The following PLCL1 variants were observed in gnomAD, a reference collection of about 807,000 sequenced individuals.
PLCL1 encodes phospholipase C like 1 (inactive), also known as inactive phospholipase C-like protein 1.
PLCL1 carries 41 observed loss-of-function variants against 84.4 expected under a neutral mutation model. The observed-to-expected ratio is 0.49, with a 90% CI of 0.38 to 0.63. The LOEUF is 0.63. Among genes scored for constraint, PLCL1 ranks in the 30% least tolerant of loss-of-function variants. PLCL1 has a pLI of 0.00. For synonymous variants in PLCL1, 490 were observed against 488.3 expected, an observed-to-expected ratio of 1.00 and a Z score of -0.05; for missense variants, 1,206 against 1,367.8, an observed-to-expected ratio of 0.88 and a Z score of 1.87.
intron 1 of PLCL1, among the ~76,000 whole-genome samples, chr2:197,964,535 C>A (rs1689689637): frequency 6.6e-6 from 1 of 151,904 alleles, no homozygotes; most frequent in Non-Finnish European, 1.5e-5. Context: ...AAGATCATAC[C>A]ATCTGCAAAC....
At chr2:197,853,492 C>A (rs887632273) in intron 1 of PLCL1, among the ~76,000 whole-genome samples, 1 of 152,144 alleles carries the variant, frequency 6.6e-6, no homozygotes, top group Non-Finnish European at 1.5e-5. Flanking sequence ...CCTCACCTTC[C>A]TTATTTGTGA....
chr2:198,089,452 A>G (rs1404977166), intron 3 of PLCL1, among the ~76,000 whole-genome samples: 2 of 152,178 alleles, frequency 1.3e-5, no homozygotes, highest in Admixed American at 6.5e-5. Context: ...TATAGAATCT[A>G]TATTTTTCAG....
intron 1 of PLCL1, among the ~76,000 whole-genome samples, chr2:197,820,062 G>A (rs1252491508): frequency 6.6e-6 from 1 of 152,030 alleles, no homozygotes; most frequent in Non-Finnish European, 1.5e-5. Flanking sequence ...CAAAAGTTAA[G>A]GTAGTTAAAC....
At chr2:197,989,723 C>CA (rs914578024) in intron 1 of PLCL1, among the ~76,000 whole-genome samples, 3 of 150,054 alleles carry the variant, frequency 2.0e-5, no homozygotes, top group Non-Finnish European at 3.0e-5. Context: ...CAAAACAAAA[C>CA]AAAAAACAAA....
intron 1 of PLCL1, among the ~76,000 whole-genome samples, chr2:197,851,554 A>G (rs1687237814): frequency 6.6e-6 from 1 of 152,242 alleles, no homozygotes; most frequent in African/African-American, 2.4e-5. Flanking sequence ...CCGCTATAAG[A>G]AGAAAGACTT....
intron 1 of PLCL1, among the ~76,000 whole-genome samples, chr2:197,906,714 T>C (rs140633764): frequency 6.6e-6 from 1 of 152,248 alleles, no homozygotes; most frequent in Non-Finnish European, 1.5e-5. Context: ...TTTTTCCATT[T>C]GTTTGTGTCG....
chr2:198,129,031 A>G (rs1447524246), intron 5 of PLCL1, among the ~76,000 whole-genome samples: 4 of 152,236 alleles, frequency 2.6e-5, no homozygotes, highest in African/African-American at 9.6e-5. Context: ...TAGCAATAAG[A>G]TACCAAATTC....
intron 1 of PLCL1, among the ~76,000 whole-genome samples, chr2:198,014,817 G>T (rs1343729270): frequency 6.6e-6 from 1 of 151,974 alleles, no homozygotes; most frequent in Non-Finnish European, 1.5e-5. Flanking sequence ...TAAGGTTTTT[G>T]ATCTCTAGGG....
chr2:197,987,169 G>A (rs935862073), intron 1 of PLCL1, among the ~76,000 whole-genome samples: 4 of 152,178 alleles, frequency 2.6e-5, no homozygotes, highest in African/African-American at 7.2e-5. Context: ...CCAGAAACAC[G>A]TATCATCTAG....
intron 5 of PLCL1, among the ~76,000 whole-genome samples, chr2:198,138,846 T>C (rs1382504997): frequency 6.6e-6 from 1 of 152,130 alleles, no homozygotes; most frequent in East Asian, 1.9e-4. Context: ...CAATGACCTT[T>C]GGAGTACTTT....
chr2:198,044,524 G>T (rs1168912644), intron 1 of PLCL1, among the ~76,000 whole-genome samples: 1 of 151,984 alleles, frequency 6.6e-6, no homozygotes, highest in Non-Finnish European at 1.5e-5. Flanking sequence ...CTGTAGGTTG[G>T]GACAAATTTT....
rs1467526849 is a variant in PLCL1, at chr2:197,804,820, T to A, written c.-280T>A. ...GATACCTCCCTCTCTTTTTCGCCTC[T>A]CCTTCTGCCTCCCGCTCACATCGCC... On this transcript the variant is annotated 5_prime_UTR_variant, in exon 1 of 6. Coordinates refer to ENST00000428675, the MANE Select transcript of PLCL1 (RefSeq NM_006226.4). 1.9e-5 allele frequency: 7 copies of A among 361,872 alleles called. No individual in the cohort carries two copies. Among genetic ancestry groups the A allele is most frequent in the Non-Finnish European group, 3.5e-5 (7 of 201,378 alleles). 22.4% of individuals were successfully genotyped at this position (361,872 alleles called of 1,614,324 possible).
intron 1 of PLCL1, among the ~76,000 whole-genome samples, chr2:198,037,676 A>G (rs1389633907): frequency 6.6e-6 from 1 of 152,190 alleles, no homozygotes; most frequent in African/African-American, 2.4e-5. Context: ...GAGTCAATTG[A>G]GATTTTTTCC....
chr2:197,882,537 C>T (rs150407810), intron 1 of PLCL1, among the ~76,000 whole-genome samples: 143 of 152,210 alleles, frequency 9.4e-4, no homozygotes, highest in African/African-American at 3.3e-3. Flanking sequence ...CCCAACAATG[C>T]TAAAGCACTC....
In PLCL1 at chr2:197,804,952, G is replaced by A. The variant is rs1049812330; in HGVS notation, c.-148G>A. On this transcript the variant is annotated 5_prime_UTR_variant, in exon 1 of 6. Coordinates refer to ENST00000428675, the MANE Select transcript of PLCL1 (RefSeq NM_006226.4). Reference sequence around the variant, plus strand: ...CCCTCTCCAGAAAGTTGCCGCCGCCGCCGCCGCCGCCGCCACTGCCGCCGC... The same window carrying A: ...CCCTCTCCAGAAAGTTGCCGCCGCCACCGCCGCCGCCGCCACTGCCGCCGC... The A allele has an allele frequency of 4.0e-6, 4 of 998,436 alleles. No homozygotes were observed. The highest frequency in any genetic ancestry group is 1.7e-5 in the African/African-American group (1 of 57,902). The allele number at this position is 998,436 out of a possible 1,614,324, so 61.8% of individuals were successfully genotyped here. A position where few individuals can be genotyped will look rare whatever the true frequency, so the allele number is the denominator to read the frequency against.
chr2:198,033,597 T>C (rs1691482541), intron 1 of PLCL1, among the ~76,000 whole-genome samples: 1 of 152,208 alleles, frequency 6.6e-6, no homozygotes, highest in Non-Finnish European at 1.5e-5. Flanking sequence ...TCAAAACACA[T>C]ATGTGGTTGA....
intron 1 of PLCL1, among the ~76,000 whole-genome samples, chr2:198,077,881 C>A (rs1692619230): frequency 6.6e-6 from 1 of 152,172 alleles, no homozygotes; most frequent in Non-Finnish European, 1.5e-5. Context: ...AGAAGTCATC[C>A]TTTACTCAGT....
chr2:197,950,780 G>T (rs937111261), intron 1 of PLCL1, among the ~76,000 whole-genome samples: 1 of 152,146 alleles, frequency 6.6e-6, no homozygotes, highest in African/African-American at 2.4e-5. Flanking sequence ...AGATAGGAAT[G>T]TGGTTTATAT....
At position 197,839,765 on chromosome 2, in the gene PLCL1, C is replaced by A. The variant is rs182891068; in HGVS notation, c.240+34426C>A. Among the ~76,000 whole-genome samples, 100 of 152,324 alleles carry A rather than the reference C, an allele frequency of 6.6e-4. No homozygotes were observed. In the Middle Eastern group the frequency reaches 0.027, roughly 41 times the overall value. On this transcript the variant is annotated intron_variant, in intron 1 of 5. Coordinates refer to ENST00000428675, the MANE Select transcript of PLCL1 (RefSeq NM_006226.4). ...CCAGAGAGTCTTTAAGACCATTAGA[C>A]TATTCAGCAAAATTATCCATATATG...
Sources: allele counts gnomAD v4.1 joint callset (sites outside exome capture counted in the v4.1 genomes callset), GRCh38; gene constraint gnomAD v4.1.1; transcripts MANE v1.5; gene names NCBI Gene and HGNC (gene_info 2026-07-23, HGNC 2026-07-21).